The following CCNF variants were observed in gnomAD, a reference collection of about 807,000 sequenced individuals.
CCNF encodes the protein cyclin-F.
A neutral mutation model predicts 85.4 loss-of-function variants in CCNF; 30 were observed. The observed-to-expected ratio is 0.35, with a 90% CI of 0.26 to 0.48. The LOEUF is 0.48. Ranked by LOEUF, CCNF falls within the 20% of genes least tolerant of loss-of-function variation. The pLI is 0.99. For missense variants in CCNF, 919 were observed against 1,010.4 expected, an observed-to-expected ratio of 0.91 and a Z score of 1.23; for synonymous variants, 439 against 425.1, an observed-to-expected ratio of 1.03 and a Z score of -0.40.
At position 2,456,367 on chromosome 16, in the gene CCNF, G is replaced by A. The variant is rs2065427565; in HGVS notation, c.1886-178G>A. On this transcript the variant is annotated intron_variant, in intron 16 of 16. Coordinates refer to ENST00000397066, the MANE Select transcript of CCNF (RefSeq NM_001761.3). The surrounding 1 kb of genome is among the most constrained non-coding windows in gnomAD (Gnocchi z 4.5). Reference sequence around the variant, plus strand: ...TCCACATTTGTTGGAGTCATGGCGGGCAGCTGTCCAACTTGGAAGAGGCAT... The same window carrying A: ...TCCACATTTGTTGGAGTCATGGCGGACAGCTGTCCAACTTGGAAGAGGCAT... 2.1e-6 allele frequency: 1 copy of A among 476,272 alleles called. No homozygotes were observed. The highest frequency in any genetic ancestry group is 3.8e-5 in the Admixed American group (1 of 26,388). The allele number at this position is 476,272 out of a possible 1,614,324, so 29.5% of individuals were successfully genotyped here. A position where few individuals can be genotyped will look rare whatever the true frequency, so the allele number is the denominator to read the frequency against.
rs950759545 is a variant in CCNF at position 2,439,520 on chromosome 16, T to A, written c.699+63T>A. ...TGGACAAAGGCGTAGTTGATGCTGG[T>A]CCTTGGATGCGTTTCTGTCCACAAA... On this transcript the variant is annotated intron_variant, in intron 7 of 16. Coordinates refer to ENST00000397066, the MANE Select transcript of CCNF (RefSeq NM_001761.3). 6 of 1,256,194 alleles carry A rather than the reference T, an allele frequency of 4.8e-6. No homozygotes were observed. In the African/African-American group the frequency reaches 8.8e-5, roughly 18 times the overall value. The allele number at this position is 1,256,194 out of a possible 1,614,324, so 77.8% of individuals were successfully genotyped here. A position where few individuals can be genotyped will look rare whatever the true frequency, so the allele number is the denominator to read the frequency against.
chr16:2,454,940 G>T (rs985313113), intron 15 of CCNF, among the ~76,000 whole-genome samples: 4 of 151,898 alleles, frequency 2.6e-5, no homozygotes, highest in Middle Eastern at 3.4e-3. Context: ...GGCACCTGTA[G>T]TCCCAGCTAC....
chr16:2,429,503 T>G lies in CCNF; in HGVS notation c.16+6T>G. On this transcript the variant is annotated splice_donor_region_variant and intron_variant, in intron 1 of 16. Transcript: ENST00000397066. ...GGCGATGGGGAGCGGCGGCGGTGAG[T>G]GCGGGGCGATGTCCGCTGGTTTCTG... The G allele has an allele frequency of 8.1e-7, 1 of 1,229,922 alleles. No individual in the cohort carries two copies. Among genetic ancestry groups the G allele is most frequent in the Non-Finnish European group, 1.0e-6 (1 of 986,324 alleles). 76.2% of individuals were successfully genotyped at this position (1,229,922 alleles called of 1,614,324 possible).
intron 15 of CCNF, among the ~76,000 whole-genome samples, chr16:2,454,376 G>A (rs551477560): frequency 4.6e-5 from 7 of 152,300 alleles, no homozygotes; most frequent in South Asian, 2.1e-4. Context: ...GACTCCCTGG[G>A]GCCAGGGTCA....
intron 6 of CCNF, among the ~76,000 whole-genome samples, chr16:2,438,756 G>A (rs1036047587): frequency 1.3e-5 from 2 of 151,876 alleles, no homozygotes; most frequent in African/African-American, 4.8e-5. Flanking sequence ...CAGCACCTTG[G>A]GAGGCCGAGG....
At chr16:2,439,172 C>T (rs540411959) in intron 6 of CCNF, among the ~76,000 whole-genome samples, 181 bp from the exon 7 acceptor site, 44 of 152,262 alleles carry the variant, frequency 2.9e-4, no homozygotes, top group Middle Eastern at 3.4e-3. Context: ...ATGGTGGGCT[C>T]CTGTAATCCC....
rs777415748 is a variant in CCNF at position 2,457,874 on chromosome 16, A to G, written c.*854A>G. ...CAGCCCCTCAATGCCATCCTGACACACTTTATGCAAAAAGAATTTTCCCAG... is the reference window on the plus strand; with the variant it reads ...CAGCCCCTCAATGCCATCCTGACACGCTTTATGCAAAAAGAATTTTCCCAG... On this transcript the variant is annotated 3_prime_UTR_variant, in exon 17 of 17. Transcript: ENST00000397066. The G allele has an allele frequency of 2.0e-5, 3 of 152,246 alleles. No homozygotes were observed. The highest frequency in any genetic ancestry group is 7.2e-5 in the African/African-American group (3 of 41,452). The allele number at this position is 152,246 out of a possible 1,614,324, so 9.4% of individuals were successfully genotyped here.
intron 11 of CCNF, 91 bp from the exon 12 acceptor site, chr16:2,449,191 T>G (rs1029877573): frequency 6.6e-7 from 1 of 1,520,512 alleles, no homozygotes. Flanking sequence ...GTGAACATCA[T>G]CCGGGCCAGA....
Position 2,456,034 on chromosome 16 carries a change from G to A in CCNF, c.1885+470G>A, listed in dbSNP as rs187562850. Among the ~76,000 whole-genome samples the A allele has an allele frequency of 1.5e-3, 229 of 152,302 alleles. No homozygotes were observed. The highest frequency in any genetic ancestry group is 2.5e-3 in the Non-Finnish European group (167 of 68,022). ...AAATTAGCTGGGCATCGTGGCGTGC[G>A]CCTGTGGTCCCAGCTACTCAGGAGG... On this transcript the variant is annotated intron_variant, in intron 16 of 16. Transcript: ENST00000397066. The surrounding 1 kb of genome is among the most constrained non-coding windows in gnomAD (Gnocchi z 4.5).
At chr16:2,445,004 C>T (rs2065353681) in intron 9 of CCNF, among the ~76,000 whole-genome samples, 1 of 151,316 alleles carries the variant, frequency 6.6e-6, no homozygotes, top group Admixed American at 6.6e-5. Context: ...CTTTCTCCTG[C>T]CTCAGTCCCC....
rs577972552 is a variant in CCNF at position 2,445,262 on chromosome 16, C to T, written c.930-196C>T. Reference sequence around the variant, plus strand: ...AGGAACACAGTCGAAGGATGTGGGGCCTGCTTTGGGGCTGGGACCCACGGA... The same window carrying T: ...AGGAACACAGTCGAAGGATGTGGGGTCTGCTTTGGGGCTGGGACCCACGGA... On this transcript the variant is annotated intron_variant, in intron 9 of 16. Transcript: ENST00000397066. 154 of 604,926 alleles carry T rather than the reference C, an allele frequency of 2.5e-4. 4 individuals are homozygous for T. The East Asian group carries it at 4.3e-3, about 17-fold the overall frequency. The allele number at this position is 604,926 out of a possible 1,614,324, so 37.5% of individuals were successfully genotyped here.
intron 7 of CCNF, 105 bp downstream of exon 7, chr16:2,439,562 C>T: frequency 4.2e-6 from 4 of 960,004 alleles, no homozygotes. Flanking sequence ...GTGGCTCTTG[C>T]TGCTCCCGGT....
rs749536864 is a variant in CCNF, at chr16:2,431,241, T to C, written c.128T>C (p.Ile43Thr). 1 of 1,614,164 alleles carries C rather than the reference T, an allele frequency of 6.2e-7. No homozygotes were observed. Among genetic ancestry groups the C allele is most frequent in the Non-Finnish European group, 8.5e-7 (1 of 1,180,010 alleles). The change falls in exon 2 of 17, where the codon ATC becomes ACC. Residue 43 changes from isoleucine to threonine, a missense_variant. Coordinates refer to ENST00000397066, the MANE Select transcript of CCNF (RefSeq NM_001761.3). ...LSLPEDVLFH[I>T]LKWLSVEDIL... ...CTCCCCGAAGATGTGCTCTTTCACATCCTGAAATGGCTTTCTGTAGAGGAC... is the reference window on the plus strand; with the variant it reads ...CTCCCCGAAGATGTGCTCTTTCACACCCTGAAATGGCTTTCTGTAGAGGAC...
Position 2,455,576 on chromosome 16 carries a change from G to A in CCNF, c.1885+12G>A. 1 of 1,584,320 alleles carries A rather than the reference G, an allele frequency of 6.3e-7. No homozygotes were observed. Among genetic ancestry groups the A allele is most frequent in the African/African-American group, 1.3e-5 (1 of 74,540 alleles). ...GAAGGAGGGCGACGGTGAGTGTGGG[G>A]CCAGGGTGCACCAGAAGGGACATCA... On this transcript the variant is annotated intron_variant, in intron 16 of 16. Transcript: ENST00000397066.
At chr16:2,442,357 TTATTA>T (rs1348115522) in intron 8 of CCNF, among the ~76,000 whole-genome samples, 13 of 123,174 alleles carry the variant, frequency 1.1e-4, no homozygotes, top group Non-Finnish European at 1.9e-4. Flanking sequence ...ATAATATCTA[TTATTA>T]TATTATAACA....
chr16:2,435,921 C>A, intron 4 of CCNF, 48 bp downstream of exon 4: 2 of 1,399,100 alleles, frequency 1.4e-6, no homozygotes, highest in Non-Finnish European at 2.0e-6. Context: ...TAAGTGTGAG[C>A]CTTTGGCCCT....
In CCNF at chr16:2,451,133, A is replaced by C. The variant is rs1418463340; in HGVS notation, c.1487+1218A>C. 6.6e-6 allele frequency among the ~76,000 whole-genome samples: 1 copy of C among 152,212 alleles called. No homozygotes were observed. Among genetic ancestry groups the C allele is most frequent in the Non-Finnish European group, 1.5e-5 (1 of 68,042 alleles). On this transcript the variant is annotated intron_variant, in intron 13 of 16. Coordinates refer to ENST00000397066, the MANE Select transcript of CCNF (RefSeq NM_001761.3). This position sits in a 1 kb window ranked among gnomAD's most constrained non-coding sequence, Gnocchi z 4.3. ...CACGTTGGTTTGTTCCATGCAGTTC[A>C]TGAAGTCCCTACCGTGGTCCAGGCG...
At position 2,449,177 on chromosome 16, in the gene CCNF, C is replaced by T. The variant is rs148573205; in HGVS notation, c.1219-105C>T. 2.5e-3 allele frequency: 3,717 copies of T among 1,467,922 alleles called. 29 individuals carry two copies. Among genetic ancestry groups the T allele is most frequent in the Middle Eastern group, 0.021 (121 of 5,800 alleles). The allele number at this position is 1,467,922 out of a possible 1,614,324, so 90.9% of individuals were successfully genotyped here. ...CGCTGGTGCGCTACGCGTGCAGCAT[C>T]GGCGTGAACATCATCCGGGCCAGAC... On this transcript the variant is annotated intron_variant, in intron 11 of 16. Transcript: ENST00000397066.
In CCNF at chr16:2,429,506, G is replaced by C. The variant is rs530962466; in HGVS notation, c.16+9G>C. The C allele has an allele frequency of 1.6e-6, 2 of 1,230,808 alleles. No individual in the cohort carries two copies. Among genetic ancestry groups the C allele is most frequent in the Non-Finnish European group, 2.0e-6 (2 of 986,606 alleles). The allele number at this position is 1,230,808 out of a possible 1,614,324, so 76.2% of individuals were successfully genotyped here. ...GATGGGGAGCGGCGGCGGTGAGTGCGGGGCGATGTCCGCTGGTTTCTGCCC... is the reference window on the plus strand; with the variant it reads ...GATGGGGAGCGGCGGCGGTGAGTGCCGGGCGATGTCCGCTGGTTTCTGCCC... On this transcript the variant is annotated intron_variant, in intron 1 of 16. Transcript: ENST00000397066.
Sources: allele counts gnomAD v4.1 joint callset (sites outside exome capture counted in the v4.1 genomes callset), GRCh38; gene constraint gnomAD v4.1.1; non-coding constraint Gnocchi (gnomAD v3.1); transcripts MANE v1.5; gene names NCBI Gene and HGNC (gene_info 2026-07-23, HGNC 2026-07-21).